Variants in RAB7A observed in about 807,000 individuals in gnomAD.
RAB7A encodes the protein RAB7A, member RAS oncogene family.
A neutral mutation model predicts 24.5 loss-of-function variants in RAB7A; 2 were observed. The ratio of observed to expected loss-of-function variants is 0.08; its 90% confidence interval spans 0.03 to 0.26. RAB7A has a LOEUF of 0.26. Among genes scored for constraint, RAB7A ranks in the 10% least tolerant of loss-of-function variants. The pLI, the probability that RAB7A is intolerant of heterozygous loss-of-function variation, is 1.00. For synonymous variants in RAB7A, 100 were observed against 95.9 expected, an observed-to-expected ratio of 1.04 and a Z score of -0.25; for missense variants, 118 against 255.7, an observed-to-expected ratio of 0.46 and a Z score of 3.67.
chr3:128,764,328 A>G, intron 1 of RAB7A: 1 of 576,450 alleles, frequency 1.7e-6, no homozygotes, highest in Non-Finnish European at 3.1e-6. Context: ...CTTTATTTGA[A>G]GGAATGGTAC....
At position 128,757,885 on chromosome 3, in the gene RAB7A, C is replaced by T. The variant is rs796473442; in HGVS notation, c.-9+31526C>T. ...TGTTGCCCAGGCTGGTCTCCAACTC[C>T]TGGGCTTAAGCAGTCTTCCTGCCTC... On this transcript the variant is annotated intron_variant, in intron 1 of 5. Coordinates refer to ENST00000265062, the MANE Select transcript of RAB7A (RefSeq NM_004637.6). Among the ~76,000 whole-genome samples the T allele has an allele frequency of 5.3e-5, 8 of 152,336 alleles. No homozygotes were observed. The East Asian group carries it at 9.6e-4, about 18-fold the overall frequency.
At chr3:128,741,881 A>G (rs541571637) in intron 1 of RAB7A, among the ~76,000 whole-genome samples, 108 of 151,818 alleles carry the variant, frequency 7.1e-4, no homozygotes, top group African/African-American at 2.5e-3. Context: ...TAGTGCGATC[A>G]TGACTCATCG....
chr3:128,764,491 A>G (rs776770474), intron 1 of RAB7A: 50 of 786,462 alleles, frequency 6.4e-5, no homozygotes, highest in Admixed American at 2.0e-4. Flanking sequence ...ACTGTCTCCC[A>G]GGGTGTTCTT....
intron 1 of RAB7A, among the ~76,000 whole-genome samples, chr3:128,759,317 A>G (rs2070757913): frequency 6.6e-6 from 1 of 152,210 alleles, no homozygotes; most frequent in South Asian, 2.1e-4. Context: ...TTAATGTGGT[A>G]GGTAAGGAAG....
intron 1 of RAB7A, among the ~76,000 whole-genome samples, chr3:128,773,444 GC>G (rs1933005224): frequency 6.9e-6 from 1 of 144,570 alleles, no homozygotes; most frequent in East Asian, 2.0e-4. Context: ...CCCCCGCCCG[GC>G]CAGCCGCCCC....
chr3:128,798,456 G>C, intron 3 of RAB7A: 2 of 202,186 alleles, frequency 9.9e-6, no homozygotes, highest in South Asian at 1.5e-4. Flanking sequence ...TCAGTAGTGA[G>C]ACATAAACTT....
chr3:128,757,350 G>A (rs2070738686), intron 1 of RAB7A, among the ~76,000 whole-genome samples: 1 of 152,140 alleles, frequency 6.6e-6, no homozygotes, highest in African/African-American at 2.4e-5. Flanking sequence ...GATGGTTGGG[G>A]AAAGATGGCA....
intron 3 of RAB7A, among the ~76,000 whole-genome samples, chr3:128,800,860 TAAC>T (rs1219987396): frequency 1.3e-5 from 2 of 152,088 alleles, no homozygotes; most frequent in African/African-American, 2.4e-5. Flanking sequence ...TGGAAAAAGA[TAAC>T]AAGTTCCCAA....
chr3:128,730,748 C>A (rs2070427638), intron 1 of RAB7A, among the ~76,000 whole-genome samples: 1 of 152,156 alleles, frequency 6.6e-6, no homozygotes, highest in African/African-American at 2.4e-5. Flanking sequence ...GAGTTGGTTC[C>A]AATGCTGACC....
rs964377628 is a variant in RAB7A, at chr3:128,814,706, C to A, written c.*1284C>A. ...GTAGCTTGCTTAACGGAGCACTTCT[C>A]CTTTTTCCAAAGGTCTACATTCTAG... On this transcript the variant is annotated 3_prime_UTR_variant, in exon 6 of 6. Coordinates refer to ENST00000265062, the MANE Select transcript of RAB7A (RefSeq NM_004637.6). 1 of 152,658 alleles carries A rather than the reference C, an allele frequency of 6.6e-6. No individual in the cohort carries two copies. Among genetic ancestry groups the A allele is most frequent in the Non-Finnish European group, 1.5e-5 (1 of 68,054 alleles). 9.5% of individuals were successfully genotyped at this position (152,658 alleles called of 1,614,324 possible). A position where few individuals can be genotyped will look rare whatever the true frequency, so the allele number is the denominator to read the frequency against.
intron 1 of RAB7A, among the ~76,000 whole-genome samples, chr3:128,734,703 T>A: frequency 6.6e-6 from 1 of 152,154 alleles, no homozygotes; most frequent in Non-Finnish European, 1.5e-5. Context: ...TATCACATTC[T>A]ATCGTACATA....
chr3:128,751,955 C>T (rs1265352762), intron 1 of RAB7A, among the ~76,000 whole-genome samples: 4 of 152,232 alleles, frequency 2.6e-5, no homozygotes, highest in South Asian at 2.1e-4. Flanking sequence ...AAGCATTCCT[C>T]TCTTTGCCTG....
chr3:128,805,212 G>A (rs1179559857), intron 3 of RAB7A, among the ~76,000 whole-genome samples: 2 of 152,168 alleles, frequency 1.3e-5, no homozygotes, highest in African/African-American at 4.8e-5. Context: ...GGAGAACCAG[G>A]AGAGCACAGG....
At chr3:128,809,120 C>T (rs186448120) in intron 5 of RAB7A, among the ~76,000 whole-genome samples, 1 of 152,286 alleles carries the variant, frequency 6.6e-6, no homozygotes, top group Non-Finnish European at 1.5e-5. Context: ...CCACCTGTTC[C>T]CTGTTGCCTG....
intron 3 of RAB7A, chr3:128,798,820 T>TAAAAAA (rs150137763): frequency 6.0e-6 from 1 of 166,138 alleles, no homozygotes; most frequent in Non-Finnish European, 1.1e-5. Context: ...GTCTCTAAAT[T>TAAAAAA]TAAAAAAAAA....
At chr3:128,793,524 T>A (rs1933506154) in intron 1 of RAB7A, among the ~76,000 whole-genome samples, 1 of 152,190 alleles carries the variant, frequency 6.6e-6, no homozygotes, top group Non-Finnish European at 1.5e-5. Flanking sequence ...GACCTCATGA[T>A]TTGCCTACCT....
intron 1 of RAB7A, among the ~76,000 whole-genome samples, chr3:128,765,447 C>G (rs1160740684): frequency 1.3e-5 from 2 of 152,182 alleles, no homozygotes; most frequent in Admixed American, 6.5e-5. Context: ...ATGAAGAAAT[C>G]CCTTACATCT....
intron 1 of RAB7A, among the ~76,000 whole-genome samples, chr3:128,751,178 G>T (rs540831155): frequency 6.6e-6 from 1 of 152,244 alleles, no homozygotes; most frequent in South Asian, 2.1e-4. Flanking sequence ...TTGGGATGGA[G>T]CCCCCACACA....
At chr3:128,784,446 G>A (rs1008127459) in intron 1 of RAB7A, among the ~76,000 whole-genome samples, 2 of 152,070 alleles carry the variant, frequency 1.3e-5, no homozygotes, top group African/African-American at 4.8e-5. Context: ...TGAAGGTGGC[G>A]CAGCATCCTC....
Sources: allele counts gnomAD v4.1 joint callset (sites outside exome capture counted in the v4.1 genomes callset), GRCh38; gene constraint gnomAD v4.1.1; transcripts MANE v1.5; gene names NCBI Gene and HGNC (gene_info 2026-07-23, HGNC 2026-07-21).